The following MAD1L1 variants were observed in gnomAD, a reference collection of about 807,000 sequenced individuals.
MAD1L1 encodes mitotic arrest deficient 1 like 1.
MAD1L1 carries 95 observed loss-of-function variants against 96.9 expected under a neutral mutation model. That is an observed-to-expected ratio of 0.98 (90% confidence interval 0.83 to 1.16). MAD1L1 has a LOEUF of 1.16. Among genes scored for constraint, MAD1L1 ranks in the 50% most tolerant of loss-of-function variants. MAD1L1 has a pLI of 0.00. For missense variants in MAD1L1, 1,007 were observed against 954.4 expected, an observed-to-expected ratio of 1.06 and a Z score of -0.73; for synonymous variants, 473 against 396.6, an observed-to-expected ratio of 1.19 and a Z score of -2.29.
chr7:1,936,343 G>A (rs1223296301), intron 17 of MAD1L1, among the ~76,000 whole-genome samples: 2 of 152,238 alleles, frequency 1.3e-5, no homozygotes, highest in Non-Finnish European at 1.5e-5. Context: ...GGTGAGAGAT[G>A]GACTTGTTTT....
intron 18 of MAD1L1, among the ~76,000 whole-genome samples, chr7:1,883,739 G>A (rs1452159907): frequency 6.6e-6 from 1 of 152,188 alleles, no homozygotes; most frequent in Admixed American, 6.5e-5. Flanking sequence ...CAGGCTCAGA[G>A]GGCAGTCTGT....
chr7:1,824,683 G>C (rs1217252319), intron 18 of MAD1L1, among the ~76,000 whole-genome samples: 1 of 152,200 alleles, frequency 6.6e-6, no homozygotes, highest in Non-Finnish European at 1.5e-5. Flanking sequence ...GCATCTGCCG[G>C]GGCAGCCATA....
intron 18 of MAD1L1, among the ~76,000 whole-genome samples, chr7:1,855,667 C>T (rs1784211947): frequency 6.6e-6 from 1 of 152,164 alleles, no homozygotes; most frequent in African/African-American, 2.4e-5. Context: ...ATTCCTTGTG[C>T]AGGAAGATGG....
intron 11 of MAD1L1, chr7:2,089,294 G>A (rs118128057): frequency 0.017 from 2,640 of 152,404 alleles, 36 homozygotes; most frequent in Non-Finnish European, 0.027. Flanking sequence ...GGACCCAGGG[G>A]GAGGTAACTG....
chr7:2,187,164 A>G (rs1289968993), intron 10 of MAD1L1, among the ~76,000 whole-genome samples: 5 of 152,014 alleles, frequency 3.3e-5, no homozygotes, highest in Non-Finnish European at 7.4e-5. Flanking sequence ...CCTGGCCAAC[A>G]TGACAAAACC....
chr7:2,198,067 T>A (rs939201127), intron 10 of MAD1L1, among the ~76,000 whole-genome samples: 2 of 147,798 alleles, frequency 1.4e-5, no homozygotes, highest in Non-Finnish European at 3.0e-5. Flanking sequence ...CATCCCAAGG[T>A]CCACCATGAG....
At chr7:2,209,694 G>A (rs112035427) in intron 10 of MAD1L1, among the ~76,000 whole-genome samples, 3 of 152,262 alleles carry the variant, frequency 2.0e-5, no homozygotes, top group East Asian at 1.9e-4. Context: ...ACGGGGCCTC[G>A]GGCCTCGGCA....
At chr7:2,161,650 A>G (rs1790135402) in intron 10 of MAD1L1, among the ~76,000 whole-genome samples, 1 of 143,724 alleles carries the variant, frequency 7.0e-6, no homozygotes, top group African/African-American at 2.6e-5. Flanking sequence ...CATCCCGTCT[A>G]GGAAGTGAGG....
chr7:1,867,344 C>T (rs1457193654), intron 18 of MAD1L1, among the ~76,000 whole-genome samples: 1 of 69,580 alleles, frequency 1.4e-5, no homozygotes, highest in Admixed American at 1.8e-4. Context: ...CTCCGCAGGA[C>T]CCCCCCGGAA....
intron 10 of MAD1L1, among the ~76,000 whole-genome samples, chr7:2,163,045 T>A (rs1360784384): frequency 6.6e-6 from 1 of 152,260 alleles, no homozygotes; most frequent in Non-Finnish European, 1.5e-5. Context: ...TTTGGGACTT[T>A]CCAAAGCATT....
intron 18 of MAD1L1, among the ~76,000 whole-genome samples, chr7:1,866,104 G>A (rs905136143): frequency 6.6e-6 from 1 of 152,240 alleles, no homozygotes; most frequent in Non-Finnish European, 1.5e-5. Context: ...GACAGACCGT[G>A]GGTGGGAGCA....
At chr7:2,001,644 C>T (rs554268986) in intron 14 of MAD1L1, among the ~76,000 whole-genome samples, 2 of 152,370 alleles carry the variant, frequency 1.3e-5, no homozygotes, top group South Asian at 4.1e-4. Context: ...CTGAGTGGCG[C>T]CCAAGCCCCG....
intron 18 of MAD1L1, among the ~76,000 whole-genome samples, chr7:1,857,909 G>A (rs560038105): frequency 2.0e-5 from 3 of 152,168 alleles, no homozygotes; most frequent in Non-Finnish European, 4.4e-5. Context: ...GTCCACCCCG[G>A]CCCTGCAGAA....
intron 11 of MAD1L1, among the ~76,000 whole-genome samples, chr7:2,092,251 C>A (rs1786254308): frequency 6.6e-6 from 1 of 152,170 alleles, no homozygotes; most frequent in Non-Finnish European, 1.5e-5. Flanking sequence ...TACTCCTGAG[C>A]ATCCTCTTTT....
At chr7:2,166,586 A>C (rs1251950498) in intron 10 of MAD1L1, among the ~76,000 whole-genome samples, 1 of 152,148 alleles carries the variant, frequency 6.6e-6, no homozygotes, top group Non-Finnish European at 1.5e-5. Context: ...GTTCAAAAAG[A>C]AAGCTAGATA....
intron 17 of MAD1L1, among the ~76,000 whole-genome samples, chr7:1,911,464 G>A (rs1179241700): frequency 6.6e-6 from 1 of 152,184 alleles, no homozygotes; most frequent in East Asian, 1.9e-4. Context: ...GTGCAGCCCA[G>A]GTGTTCTGTC....
chr7:1,855,753 C>A (rs1784216572), intron 18 of MAD1L1, among the ~76,000 whole-genome samples: 1 of 152,202 alleles, frequency 6.6e-6, no homozygotes, highest in Non-Finnish European at 1.5e-5. Context: ...TTCTCGGCAA[C>A]ATCTGCTTTT....
intron 11 of MAD1L1, chr7:2,080,050 T>C (rs1447334119): frequency 3.7e-6 from 1 of 272,712 alleles, no homozygotes; most frequent in Non-Finnish European, 7.1e-6. Context: ...GCTCGCCTAA[T>C]GCACAGGACA....
intron 18 of MAD1L1, among the ~76,000 whole-genome samples, chr7:1,863,077 C>T (rs1241206882): frequency 1.3e-5 from 2 of 152,248 alleles, no homozygotes; most frequent in Non-Finnish European, 2.9e-5. Context: ...GGACGCTGCA[C>T]TCCGCACCCT....
Sources: gnomAD v4.1 joint callset for allele counts (sites outside exome capture counted in the v4.1 genomes callset) on GRCh38, gnomAD v4.1.1 for gene constraint, MANE v1.5 for transcripts, NCBI Gene and HGNC (gene_info 2026-07-23, HGNC 2026-07-21) for gene names.